FAM227A: variants seen among roughly 807,000 people sequenced by gnomAD.
FAM227A encodes the protein family with sequence similarity 227 member A, also known as protein FAM227A.
FAM227A carries 80 observed loss-of-function variants against 74.7 expected under a neutral mutation model. That is an observed-to-expected ratio of 1.07 (90% CI 0.89 to 1.29). The LOEUF is 1.29. Among genes scored for constraint, FAM227A ranks in the 50% most tolerant of loss-of-function variants. FAM227A has a pLI of 0.00. For synonymous variants in FAM227A, 237 were observed against 241.8 expected (o/e 0.98, Z 0.19); for missense variants, 654 against 683.4 (o/e 0.96, Z 0.48).
At position 38,599,091 on chromosome 22, in the gene FAM227A, C is replaced by T. The variant is rs375778932; in HGVS notation, c.1379+673G>A. ...CCTGCCTCAGCCTCCCAAGTAGCTG[C>T]GATTATACAGGCACGCACCACCAGG... On this transcript the variant is annotated intron_variant, in intron 14 of 16. Coordinates refer to ENST00000535113, the MANE Select transcript of FAM227A (RefSeq NM_001013647.2). Among the ~76,000 whole-genome samples, 50 of 151,720 alleles carry T rather than the reference C, an allele frequency of 3.3e-4. No homozygotes were observed. In the East Asian group the frequency reaches 5.0e-3, roughly 15 times the overall value.
intron 3 of FAM227A, 87 bp from the exon 4 acceptor site, chr22:38,639,811 T>C (rs2092076587): frequency 2.1e-6 from 2 of 932,202 alleles, no homozygotes; most frequent in African/African-American, 1.6e-5. Context: ...TTTCCTCTTG[T>C]TGGTGCACAA....
At chr22:38,607,308 C>A in intron 12 of FAM227A, 81 bp downstream of exon 12, 1 of 1,040,070 alleles carries the variant, frequency 9.6e-7, no homozygotes, top group South Asian at 1.5e-5. Flanking sequence ...AAATTCTGTT[C>A]ATACGAACCC....
intron 1 of FAM227A, among the ~76,000 whole-genome samples, chr22:38,654,012 A>G (rs2092356468): frequency 6.6e-6 from 1 of 152,166 alleles, no homozygotes; most frequent in Non-Finnish European, 1.5e-5. Flanking sequence ...TTGACCATAC[A>G]AGGAGATCAA....
At chr22:38,595,344 A>G (rs558507746) in intron 15 of FAM227A, among the ~76,000 whole-genome samples, 3 of 152,306 alleles carry the variant, frequency 2.0e-5, no homozygotes, top group African/African-American at 7.2e-5. Context: ...GATATTTCCC[A>G]TGCTTCCCTT....
intron 16 of FAM227A, among the ~76,000 whole-genome samples, chr22:38,589,234 C>G (rs577749413): frequency 1.3e-5 from 2 of 152,082 alleles, no homozygotes; most frequent in Non-Finnish European, 2.9e-5. Flanking sequence ...GGCAACCGCA[C>G]GAAGCTAGGG....
chr22:38,621,821 G>A (rs1246359989), intron 10 of FAM227A, among the ~76,000 whole-genome samples: 4 of 152,162 alleles, frequency 2.6e-5, no homozygotes, highest in Admixed American at 2.6e-4. Context: ...CAGGTCCTTG[G>A]ACCAACACAC....
intron 13 of FAM227A, among the ~76,000 whole-genome samples, chr22:38,601,659 A>G (rs1426557963): frequency 6.6e-6 from 1 of 152,086 alleles, no homozygotes; most frequent in Non-Finnish European, 1.5e-5. Context: ...GGAGTTGGGG[A>G]ATTGCTGATG....
At chr22:38,640,182 T>C (rs996247217) in intron 3 of FAM227A, among the ~76,000 whole-genome samples, 2 of 151,934 alleles carry the variant, frequency 1.3e-5, no homozygotes, top group African/African-American at 4.8e-5. Flanking sequence ...TACAGGCGCC[T>C]GCCACCACGC....
intron 9 of FAM227A, among the ~76,000 whole-genome samples, chr22:38,625,930 G>A (rs13340096): frequency 0.044 from 6,166 of 140,214 alleles, 226 homozygotes; most frequent in East Asian, 0.11. Flanking sequence ...GTGACCGAGC[G>A]AGACTCTATC....
intron 1 of FAM227A, among the ~76,000 whole-genome samples, chr22:38,653,281 C>G (rs1044159361): frequency 6.6e-6 from 1 of 152,148 alleles, no homozygotes; most frequent in East Asian, 1.9e-4. Flanking sequence ...AAGCTCAGGG[C>G]TCCCACTGAT....
At chr22:38,654,775 C>CAAAAAAAAAAAAAAAAAAAA (rs34383650) in intron 1 of FAM227A, among the ~76,000 whole-genome samples, 1 of 84,950 alleles carries the variant, frequency 1.2e-5, no homozygotes, top group Non-Finnish European at 2.3e-5. Flanking sequence ...CTAAAAATAC[C>CAAAAAAAAAAAAAAAAAAAA]AAAAAAAAAA....
chr22:38,614,916 C>T (rs535406078), intron 11 of FAM227A, among the ~76,000 whole-genome samples: 6 of 152,240 alleles, frequency 3.9e-5, no homozygotes, highest in Non-Finnish European at 5.9e-5. Context: ...TGGGAACTGA[C>T]GTTTACAGAG....
chr22:38,644,888 G>A (rs2092200427), intron 3 of FAM227A, among the ~76,000 whole-genome samples: 1 of 151,760 alleles, frequency 6.6e-6, no homozygotes. Flanking sequence ...GGGAGTTTGA[G>A]ACCAGCCTGA....
chr22:38,639,131 C>T (rs748009213), intron 4 of FAM227A, among the ~76,000 whole-genome samples: 3 of 151,888 alleles, frequency 2.0e-5, no homozygotes, highest in Non-Finnish European at 2.9e-5. Flanking sequence ...AACAAGGGGC[C>T]GGGCACAGTG....
intron 1 of FAM227A, among the ~76,000 whole-genome samples, chr22:38,652,591 A>G (rs75528033): frequency 6.0e-4 from 79 of 130,710 alleles, no homozygotes; most frequent in Admixed American, 3.9e-4. Flanking sequence ...CCATCTCAAG[A>G]AAAAAAAAAA....
At chr22:38,635,276 AG>A in intron 6 of FAM227A, among the ~76,000 whole-genome samples, 1 of 148,276 alleles carries the variant, frequency 6.7e-6, no homozygotes, top group East Asian at 2.0e-4. Flanking sequence ...GGAGAAGGAG[AG>A]GGAGACAGAG....
intron 1 of FAM227A, among the ~76,000 whole-genome samples, chr22:38,650,712 G>C (rs547682474): frequency 5.9e-5 from 9 of 152,098 alleles, no homozygotes; most frequent in Non-Finnish European, 1.2e-4. Context: ...CATCTCCTCA[G>C]CGCGAGGCTC....
chr22:38,582,395 A>G lies in FAM227A; in HGVS notation c.*3730T>C, dbSNP rs762316197. On this transcript the variant is annotated 3_prime_UTR_variant, in exon 17 of 17. Transcript: ENST00000535113. ...TTCCATGCTGAGAGTATGGGTTTTC[A>G]GCAACACTGGGAATGACAGAATTAG... 1,703 of 1,550,528 alleles carry G rather than the reference A, an allele frequency of 1.1e-3. No individual in the cohort carries two copies. The highest frequency in any genetic ancestry group is 1.4e-3 in the Non-Finnish European group (1,624 of 1,146,836).
chr22:38,615,500 A>T (rs2146325570), intron 11 of FAM227A, among the ~76,000 whole-genome samples: 1 of 152,298 alleles, frequency 6.6e-6, no homozygotes, highest in South Asian at 2.1e-4. Context: ...GAGGAACCAG[A>T]TTTCCCCTCT....
Sources: gnomAD v4.1 joint callset for allele counts (sites outside exome capture counted in the v4.1 genomes callset) on GRCh38, gnomAD v4.1.1 for gene constraint, MANE v1.5 for transcripts, NCBI Gene and HGNC (gene_info 2026-07-23, HGNC 2026-07-21) for gene names.